SRGAP1: variants seen among roughly 807,000 people sequenced by gnomAD.
SRGAP1 encodes SLIT-ROBO Rho GTPase activating protein 1.
In SRGAP1, 43 loss-of-function variants were observed where a neutral mutation model predicts 121.9. The observed-to-expected ratio is 0.35, with a 90% CI of 0.28 to 0.46. SRGAP1 has a LOEUF of 0.46. Among genes scored for constraint, SRGAP1 ranks in the 20% least tolerant of loss-of-function variants. SRGAP1 has a pLI of 1.00. For synonymous variants in SRGAP1, 447 were observed against 485.4 expected, an observed-to-expected ratio of 0.92 and a Z score of 1.04; for missense variants, 1,102 against 1,350.9, an observed-to-expected ratio of 0.82 and a Z score of 2.89.
intron 3 of SRGAP1, among the ~76,000 whole-genome samples, chr12:64,001,670 A>G (rs1044565386): frequency 3.9e-5 from 6 of 152,216 alleles, no homozygotes; most frequent in African/African-American, 1.4e-4. Context: ...AGCTGACCCC[A>G]GCTGATTGCA....
chr12:63,977,343 A>G (rs1361068728), intron 1 of SRGAP1, among the ~76,000 whole-genome samples: 1 of 152,240 alleles, frequency 6.6e-6, no homozygotes, highest in Non-Finnish European at 1.5e-5. Context: ...AATTCTGACC[A>G]AATGAGAATG....
At chr12:64,006,261 T>C (rs1025232129) in intron 3 of SRGAP1, among the ~76,000 whole-genome samples, 7 of 152,158 alleles carry the variant, frequency 4.6e-5, no homozygotes, top group Non-Finnish European at 8.8e-5. Flanking sequence ...CTAGCACATA[T>C]CTAGGAAATG....
At position 64,127,577 on chromosome 12, in the gene SRGAP1, C is replaced by G; in HGVS notation, c.2406-13C>G. 4 of 1,598,972 alleles carry G rather than the reference C, an allele frequency of 2.5e-6. No homozygotes were observed. Among genetic ancestry groups the G allele is most frequent in the Non-Finnish European group, 3.4e-6 (4 of 1,172,220 alleles). On this transcript the variant is annotated splice_polypyrimidine_tract_variant and intron_variant, in intron 19 of 21. Transcript: ENST00000355086. Reference sequence around the variant, plus strand: ...TCTAGTAAATTTTGTCTCCATTCCTCTTACTGCTTCAGGGATGATACGTTT... The same window carrying G: ...TCTAGTAAATTTTGTCTCCATTCCTGTTACTGCTTCAGGGATGATACGTTT...
In SRGAP1 at chr12:64,088,684, C is replaced by G. The variant is rs114206834; in HGVS notation, c.1436+1658C>G. On this transcript the variant is annotated intron_variant, in intron 11 of 21. Transcript: ENST00000355086. ...TACTTTGATAAGCACTGAGGCAATT[C>G]GTTTTCATTCCAGGTTCCTCTCACA... Among the ~76,000 whole-genome samples, 1,227 of 152,292 alleles carry G rather than the reference C, an allele frequency of 8.1e-3. 13 individuals are homozygous for G. The highest frequency in any genetic ancestry group is 0.028 in the African/African-American group (1,174 of 41,554).
chr12:64,107,624 T>G (rs1255059050), intron 15 of SRGAP1, among the ~76,000 whole-genome samples: 4 of 152,130 alleles, frequency 2.6e-5, no homozygotes, highest in Non-Finnish European at 1.5e-5. Context: ...TTGAGAGTTA[T>G]CCACATTTAT....
intron 1 of SRGAP1, among the ~76,000 whole-genome samples, chr12:63,856,566 A>G (rs1899258550): frequency 1.3e-5 from 2 of 149,400 alleles, no homozygotes; most frequent in African/African-American, 5.0e-5. Flanking sequence ...CTTTTTGAAG[A>G]AATGATATGC....
At chr12:64,066,940 A>G (rs1191793028) in intron 8 of SRGAP1, among the ~76,000 whole-genome samples, 1 of 152,146 alleles carries the variant, frequency 6.6e-6, no homozygotes, top group African/African-American at 2.4e-5. Context: ...CTCTAAACTC[A>G]AGGAAAATAG....
At chr12:63,941,753 A>G (rs1218771244) in intron 1 of SRGAP1, among the ~76,000 whole-genome samples, 1 of 151,920 alleles carries the variant, frequency 6.6e-6, no homozygotes, top group Non-Finnish European at 1.5e-5. Context: ...CTTGACTGAT[A>G]TATTACATTT....
At chr12:64,077,413 G>T (rs913246898) in intron 8 of SRGAP1, among the ~76,000 whole-genome samples, 9 of 150,882 alleles carry the variant, frequency 6.0e-5, no homozygotes, top group Admixed American at 5.9e-4. Context: ...AAATACATGG[G>T]TGATGCTAAG....
chr12:64,073,936 AT>A (rs76444445), intron 8 of SRGAP1, among the ~76,000 whole-genome samples: 24,101 of 151,936 alleles, frequency 0.16, 2,503 homozygotes, highest in South Asian at 0.32. Flanking sequence ...TTGTGTTTTA[AT>A]TTAGGTACAT....
rs1252087332 is a variant in SRGAP1, at chr12:64,157,778, T to A, written c.*15106T>A. 6.6e-6 allele frequency: 1 copy of A among 152,042 alleles called. No homozygotes were observed. The highest frequency in any genetic ancestry group is 1.5e-5 in the Non-Finnish European group (1 of 68,004). The allele number at this position is 152,042 out of a possible 1,614,324, so 9.4% of individuals were successfully genotyped here. On this transcript the variant is annotated 3_prime_UTR_variant, in exon 22 of 22. Transcript: ENST00000355086. ...GCTGTGTGATTTCACAAGAGATAACTGATGCTAGCTGCTGTAACAAACAAC... is the reference window on the plus strand; with the variant it reads ...GCTGTGTGATTTCACAAGAGATAACAGATGCTAGCTGCTGTAACAAACAAC...
chr12:63,866,894 G>T (rs1297688056), intron 1 of SRGAP1, among the ~76,000 whole-genome samples: 2 of 150,748 alleles, frequency 1.3e-5, no homozygotes, highest in African/African-American at 4.9e-5. Flanking sequence ...TTTGAGACAG[G>T]CTCTCACTCT....
intron 1 of SRGAP1, among the ~76,000 whole-genome samples, chr12:63,871,544 A>G (rs1379529270): frequency 1.3e-5 from 2 of 152,138 alleles, no homozygotes; most frequent in Non-Finnish European, 2.9e-5. Flanking sequence ...CAGTCATCAC[A>G]TTTGACACCT....
chr12:63,845,035 A>G, intron 1 of SRGAP1, 152 bp downstream of exon 1: 2 of 754,158 alleles, frequency 2.7e-6, no homozygotes, highest in Non-Finnish European at 4.6e-6. Flanking sequence ...CCTACAAGCC[A>G]GTTAGTTCCC....
intron 1 of SRGAP1, among the ~76,000 whole-genome samples, chr12:63,898,459 T>G (rs1165796804): frequency 6.6e-6 from 1 of 152,228 alleles, no homozygotes; most frequent in Non-Finnish European, 1.5e-5. Flanking sequence ...AAAAGGTAAT[T>G]GTCAGATAAA....
chr12:63,856,156 G>T (rs932680537), intron 1 of SRGAP1, among the ~76,000 whole-genome samples: 10 of 152,102 alleles, frequency 6.6e-5, no homozygotes, highest in African/African-American at 9.7e-5. Context: ...TCCTTGGGAG[G>T]CTGAGGCAGG....
intron 3 of SRGAP1, among the ~76,000 whole-genome samples, chr12:64,004,868 CCAGTTGAAGA>C (rs2034030471): frequency 6.6e-6 from 1 of 152,152 alleles, no homozygotes; most frequent in East Asian, 1.9e-4. Context: ...AACTTTCTTA[CCAGTTGAAGA>C]CTATGTTTCA....
At chr12:64,017,134 A>G (rs1170165622) in intron 4 of SRGAP1, 122 bp downstream of exon 4, 3 of 598,152 alleles carry the variant, frequency 5.0e-6, no homozygotes, top group Admixed American at 6.0e-5. Flanking sequence ...TCTGCTTGAA[A>G]TACAGGAACA....
chr12:63,975,836 A>T (rs975488819), intron 1 of SRGAP1, among the ~76,000 whole-genome samples: 7 of 152,218 alleles, frequency 4.6e-5, no homozygotes, highest in Non-Finnish European at 7.3e-5. Context: ...AATTATAATA[A>T]TAAGAGGCTT....
Sources: allele counts gnomAD v4.1 joint callset (sites outside exome capture counted in the v4.1 genomes callset), GRCh38; gene constraint gnomAD v4.1.1; transcripts MANE v1.5; gene names NCBI Gene and HGNC (gene_info 2026-07-23, HGNC 2026-07-21).